TSHZ3: variants seen among roughly 807,000 people sequenced by gnomAD.
TSHZ3 encodes the protein teashirt homolog 3.
TSHZ3 carries 10 observed loss-of-function variants against 64.5 expected under a neutral mutation model. The ratio of observed to expected loss-of-function variants is 0.16; its 90% CI spans 0.10 to 0.26. The LOEUF (loss-of-function observed/expected upper bound fraction) is 0.26. Among genes scored for constraint, TSHZ3 ranks in the 10% least tolerant of loss-of-function variants. The probability of loss-of-function intolerance (pLI) is 1.00; values close to 1 mark genes in which losing one functional copy is unlikely to be tolerated. For missense variants in TSHZ3, 1,242 were observed against 1,421.7 expected (o/e 0.87, Z 2.03); for synonymous variants, 608 against 593.1 (o/e 1.03, Z -0.36).
intron 4 of TSHZ3, among the ~76,000 whole-genome samples, chr19:31,213,541 G>A (rs1455737955): frequency 6.6e-6 from 1 of 152,012 alleles, no homozygotes. Flanking sequence ...CATCAAGAGT[G>A]AACACTGACA....
intron 4 of TSHZ3, among the ~76,000 whole-genome samples, chr19:31,214,665 T>G (rs1023266788): frequency 6.6e-6 from 1 of 152,026 alleles, no homozygotes; most frequent in Non-Finnish European, 1.5e-5. Context: ...TCCCAGCACT[T>G]TGGGAGGCCA....
intron 5 of TSHZ3, among the ~76,000 whole-genome samples, chr19:31,177,713 G>C (rs1974632778): frequency 6.6e-6 from 1 of 152,214 alleles, no homozygotes; most frequent in African/African-American, 2.4e-5. Flanking sequence ...TTTGGGGGTT[G>C]CTTTTTTTCC....
chr19:31,275,435 T>C lies in TSHZ3; in HGVS notation c.*1112A>G, dbSNP rs1310783407. On this transcript the variant is annotated 3_prime_UTR_variant, in exon 2 of 2. Transcript: ENST00000240587. The stretch of plus-strand genomic sequence containing the variant: ...AGGAAATACAGTACAAGTTCTTTTT[T>C]TTTTTTTGTTCTTTTTTTTAACCTT... 1 of 152,474 alleles carries C rather than the reference T, an allele frequency of 6.6e-6. No individual in the cohort carries two copies. Among genetic ancestry groups the C allele is most frequent in the African/African-American group, 2.4e-5 (1 of 41,412 alleles). 9.4% of individuals were successfully genotyped at this position (152,474 alleles called of 1,614,324 possible).
chr19:31,248,116 A>G (rs1975782364), intron 1 of TSHZ3, among the ~76,000 whole-genome samples: 1 of 152,276 alleles, frequency 6.6e-6, no homozygotes, highest in South Asian at 2.1e-4. Flanking sequence ...CACTACCACG[A>G]GAACAGTATG....
downstream of TSHZ3, among the ~76,000 whole-genome samples, chr19:31,273,323 G>A (rs544960139): frequency 6.6e-6 from 1 of 152,272 alleles, no homozygotes; most frequent in African/African-American, 2.4e-5. Context: ...TCCTTTCCTG[G>A]CTAAACGCCC....
chr19:31,167,010 C>T (rs946747468), intron 5 of TSHZ3, among the ~76,000 whole-genome samples: 2 of 151,252 alleles, frequency 1.3e-5, no homozygotes, highest in Non-Finnish European at 3.0e-5. Context: ...CCAGAGCACA[C>T]GCAATCTTTG....
chr19:31,342,932 C>G (rs1483116869), intron 1 of TSHZ3, among the ~76,000 whole-genome samples: 1 of 152,206 alleles, frequency 6.6e-6, no homozygotes. Context: ...TCGGATCTCA[C>G]CTGGATTCAC....
At chr19:31,233,028 T>G (rs1418143959) in intron 3 of TSHZ3, among the ~76,000 whole-genome samples, 1 of 152,230 alleles carries the variant, frequency 6.6e-6, no homozygotes, top group Non-Finnish European at 1.5e-5. Context: ...GCTAGGAACA[T>G]TCCTGGACCA....
At chr19:31,158,722 T>C (rs375526289) in intron 5 of TSHZ3, among the ~76,000 whole-genome samples, 3 of 152,200 alleles carry the variant, frequency 2.0e-5, no homozygotes, top group African/African-American at 7.2e-5. Flanking sequence ...GAACTCACTT[T>C]CTTGCAACTA....
intron 1 of TSHZ3, among the ~76,000 whole-genome samples, chr19:31,267,753 C>T (rs1209462640): frequency 1.3e-5 from 2 of 152,124 alleles, no homozygotes; most frequent in African/African-American, 2.4e-5. Context: ...AGGCTGTGGC[C>T]AGGATATCAG....
intron 1 of TSHZ3, chr19:31,348,974 G>A (rs3745780): frequency 2.0e-5 from 12 of 587,946 alleles, no homozygotes; most frequent in Non-Finnish European, 3.4e-5. Flanking sequence ...ATGGGTGCGA[G>A]AGGGAAGAGG....
Position 31,276,765 on chromosome 19 carries a change from A to T in TSHZ3, c.3028T>A (p.Ser1010Thr), listed in dbSNP as rs765220734. The part of the protein sequence containing the change: ...GFRLRDLSKL[S>T]TEQINSQIAQ... ...ATCTGACTGTTAATCTGTTCGGTGG[A>T]CAGTTTGGATAAGTCCCGTAGCCGG... The change falls in exon 2 of 2, where the codon TCC (serine) becomes ACC (threonine). Residue 1010 changes from serine (S) to threonine (T), a missense_variant. Ser to Thr is a moderately conservative substitution (Grantham distance 58). Transcript: ENST00000240587. 2 of 1,613,710 alleles carry T rather than the reference A, an allele frequency of 1.2e-6. No individual in the cohort carries two copies. Among genetic ancestry groups the T allele is most frequent in the Non-Finnish European group, 1.7e-6 (2 of 1,179,688 alleles).
At chr19:31,327,620 ATATG>A (rs1308635914) in intron 1 of TSHZ3, among the ~76,000 whole-genome samples, 3 of 152,244 alleles carry the variant, frequency 2.0e-5, no homozygotes, top group South Asian at 2.1e-4. Flanking sequence ...ATATACATAC[ATATG>A]TAAGAATACA....
intron 1 of TSHZ3, among the ~76,000 whole-genome samples, chr19:31,253,422 G>A (rs1255407220): frequency 1.3e-5 from 2 of 152,264 alleles, no homozygotes; most frequent in South Asian, 2.1e-4. Context: ...ATGGCTGAAC[G>A]CCCAAAGTTG....
intron 4 of TSHZ3, among the ~76,000 whole-genome samples, chr19:31,216,971 G>T (rs1233388621): frequency 2.0e-5 from 3 of 151,598 alleles, no homozygotes; most frequent in South Asian, 2.1e-4. Flanking sequence ...ACCAATTTTT[G>T]TATTTTTAGT....
At chr19:31,164,157 A>G (rs1974410514) in intron 5 of TSHZ3, among the ~76,000 whole-genome samples, 1 of 152,154 alleles carries the variant, frequency 6.6e-6, no homozygotes, top group East Asian at 1.9e-4. Context: ...GGGGATAGGC[A>G]TTGGAGCAAC....
At chr19:31,306,306 C>T (rs918290142) in intron 1 of TSHZ3, among the ~76,000 whole-genome samples, 2 of 152,330 alleles carry the variant, frequency 1.3e-5, no homozygotes, top group African/African-American at 4.8e-5. Context: ...GATGGGACTT[C>T]ACTACCAAAT....
chr19:31,218,513 T>A (rs1472588204), intron 4 of TSHZ3, among the ~76,000 whole-genome samples: 1 of 152,200 alleles, frequency 6.6e-6, no homozygotes, highest in Non-Finnish European at 1.5e-5. Flanking sequence ...TAAAACTAAA[T>A]ATACTCTTAC....
At chr19:31,183,661 G>A (rs1289532099) in intron 5 of TSHZ3, among the ~76,000 whole-genome samples, 1 of 152,124 alleles carries the variant, frequency 6.6e-6, no homozygotes, top group Non-Finnish European at 1.5e-5. Flanking sequence ...TGATCCATGG[G>A]TTGCAATATG....
Sources: allele counts gnomAD v4.1 joint callset (sites outside exome capture counted in the v4.1 genomes callset), GRCh38; gene constraint gnomAD v4.1.1; transcripts MANE v1.5; gene names NCBI Gene and HGNC (gene_info 2026-07-23, HGNC 2026-07-21).